POU6F2: variants seen among roughly 807,000 people sequenced by gnomAD.
The protein encoded by POU6F2 is POU class 6 homeobox 2.
Under a neutral mutation model 71.3 loss-of-function variants are expected in POU6F2, and 31 were observed. That is an observed-to-expected ratio of 0.43 (90% CI 0.33 to 0.59). POU6F2 has a LOEUF of 0.59. Among genes scored for constraint, POU6F2 ranks in the 20% least tolerant of loss-of-function variants. POU6F2 has a pLI of 0.04. For synonymous variants in POU6F2, 347 were observed against 355.7 expected (o/e 0.98, Z 0.27); for missense variants, 783 against 856.8 (o/e 0.91, Z 1.07).
chr7:39,427,214 T>G (rs956177887), intron 6 of POU6F2, among the ~76,000 whole-genome samples: 5 of 152,200 alleles, frequency 3.3e-5, no homozygotes, highest in African/African-American at 4.8e-5. Flanking sequence ...TTATCTTAGT[T>G]CTCACAGTAA....
At chr7:39,039,209 A>G (rs963632193) in intron 1 of POU6F2, among the ~76,000 whole-genome samples, 1 of 151,940 alleles carries the variant, frequency 6.6e-6, no homozygotes, top group South Asian at 2.1e-4. Context: ...CTATTTTACC[A>G]TGGTCAAAAG....
chr7:39,455,480 A>C (rs1788779671), intron 8 of POU6F2, among the ~76,000 whole-genome samples: 1 of 152,218 alleles, frequency 6.6e-6, no homozygotes, highest in Non-Finnish European at 1.5e-5. Flanking sequence ...TTTCTCAGAA[A>C]TATGTGGTAA....
At chr7:39,007,709 A>T (rs1339772182) in intron 1 of POU6F2, among the ~76,000 whole-genome samples, 1 of 151,556 alleles carries the variant, frequency 6.6e-6, no homozygotes, top group Non-Finnish European at 1.5e-5. Context: ...CCAGAGTGTG[A>T]TATTCCCCTT....
intron 1 of POU6F2, among the ~76,000 whole-genome samples, chr7:38,992,639 C>T (rs1032530485): frequency 1.3e-5 from 2 of 152,148 alleles, no homozygotes; most frequent in African/African-American, 4.8e-5. Flanking sequence ...AGGAGCATGA[C>T]TGAAAAACAG....
chr7:39,249,751 G>A (rs567239513), intron 4 of POU6F2, among the ~76,000 whole-genome samples: 1 of 152,244 alleles, frequency 6.6e-6, no homozygotes, highest in African/African-American at 2.4e-5. Flanking sequence ...TATTATAAGA[G>A]CTCTAATACA....
At chr7:39,439,863 C>T (rs1366486812) in intron 7 of POU6F2, among the ~76,000 whole-genome samples, 2 of 142,492 alleles carry the variant, frequency 1.4e-5, no homozygotes, top group Admixed American at 6.9e-5. Context: ...GGAGCTCTTG[C>T]AGAGCAGGTA....
chr7:39,377,921 G>C (rs1257022143), intron 5 of POU6F2, among the ~76,000 whole-genome samples: 2 of 152,190 alleles, frequency 1.3e-5, no homozygotes, highest in Non-Finnish European at 2.9e-5. Flanking sequence ...TGGTTCAGGA[G>C]AGGAACTTTT....
chr7:39,201,163 T>TGTGAGAGG (rs1793894123), intron 2 of POU6F2, among the ~76,000 whole-genome samples: 1 of 152,256 alleles, frequency 6.6e-6, no homozygotes, highest in African/African-American at 2.4e-5. Context: ...ACAGCAATGC[T>TGTGAGAGG]GTGAGAGGGG....
chr7:39,366,996 A>G (rs1175989021), intron 5 of POU6F2, among the ~76,000 whole-genome samples: 1 of 152,082 alleles, frequency 6.6e-6, no homozygotes, highest in African/African-American at 2.4e-5. Flanking sequence ...TTTTTCAGGA[A>G]TACAAAAAGT....
chr7:39,177,332 G>A (rs979559570), intron 2 of POU6F2, among the ~76,000 whole-genome samples: 2 of 152,122 alleles, frequency 1.3e-5, no homozygotes, highest in Non-Finnish European at 2.9e-5. Context: ...CGTGCCAACC[G>A]TGATCAAGTG....
intron 1 of POU6F2, among the ~76,000 whole-genome samples, chr7:39,080,541 A>C (rs943656536): frequency 4.6e-5 from 7 of 152,170 alleles, no homozygotes; most frequent in Non-Finnish European, 1.0e-4. Context: ...TTTCTTTATA[A>C]TGAATGCAAT....
intron 4 of POU6F2, among the ~76,000 whole-genome samples, chr7:39,308,434 C>G (rs189923478): frequency 6.6e-6 from 1 of 152,168 alleles, no homozygotes; most frequent in South Asian, 2.1e-4. Context: ...GGCCCTGGGA[C>G]GTAAGCTTCA....
rs771257866 is a variant in POU6F2, at chr7:39,433,058, C to T, written c.1114-19C>T. 5 of 1,611,616 alleles carry T rather than the reference C, an allele frequency of 3.1e-6. No individual in the cohort carries two copies. In the Admixed American group the frequency reaches 8.3e-5, roughly 27 times the overall value. ...ACCCTTCACCGAGCCAGCTCCTCAC[C>T]TTTGGCCCTCTCTTGCAGATTATCG... On this transcript the variant is annotated intron_variant, in intron 6 of 9. Transcript: ENST00000518318.
chr7:39,083,807 G>T (rs1453148190), intron 1 of POU6F2: 2 of 152,150 alleles, frequency 1.3e-5, no homozygotes, highest in African/African-American at 2.4e-5. Flanking sequence ...TTCAAGGTAG[G>T]TATCACCATT....
chr7:39,256,606 A>G (rs79108483), intron 4 of POU6F2, among the ~76,000 whole-genome samples: 102 of 152,316 alleles, frequency 6.7e-4, no homozygotes, highest in African/African-American at 2.3e-3. Context: ...TGCTCACCTT[A>G]AAGTAGAGAG....
intron 4 of POU6F2, among the ~76,000 whole-genome samples, chr7:39,284,219 T>A (rs1194387716): frequency 6.6e-6 from 1 of 152,192 alleles, no homozygotes; most frequent in East Asian, 1.9e-4. Flanking sequence ...ATTTAACACA[T>A]CTCAGGCTGG....
At chr7:39,127,941 C>A (rs1792176062) in intron 2 of POU6F2, among the ~76,000 whole-genome samples, 1 of 143,740 alleles carries the variant, frequency 7.0e-6, no homozygotes, top group South Asian at 2.2e-4. Context: ...CTCCCGGGTT[C>A]ACGGCATTCT....
At chr7:39,246,017 A>G (rs1165817772) in intron 4 of POU6F2, among the ~76,000 whole-genome samples, 1 of 152,222 alleles carries the variant, frequency 6.6e-6, no homozygotes, top group East Asian at 1.9e-4. Flanking sequence ...TCAGGGAGCC[A>G]TATATCAGGA....
chr7:39,256,391 G>T (rs1159583000), intron 4 of POU6F2, among the ~76,000 whole-genome samples: 2 of 152,028 alleles, frequency 1.3e-5, no homozygotes, highest in African/African-American at 4.8e-5. Context: ...GGAAAAAGAG[G>T]GACAGTACTA....
Sources: allele counts gnomAD v4.1 joint callset (sites outside exome capture counted in the v4.1 genomes callset), GRCh38; gene constraint gnomAD v4.1.1; transcripts MANE v1.5; gene names NCBI Gene and HGNC (gene_info 2026-07-23, HGNC 2026-07-21).